INPP4B: variants seen among roughly 807,000 people sequenced by gnomAD.
INPP4B encodes inositol polyphosphate-4-phosphatase type II B.
In INPP4B, 55 loss-of-function variants were observed where a neutral mutation model predicts 122.5. The observed-to-expected ratio is 0.45, with a 90% CI of 0.36 to 0.56. INPP4B has a LOEUF of 0.56. Ranked by LOEUF, INPP4B falls within the 20% of genes least tolerant of loss-of-function variation. The pLI is 0.00. For synonymous variants in INPP4B, 403 were observed against 388.7 expected (o/e 1.04, Z -0.43); for missense variants, 1,000 against 1,097.7 (o/e 0.91, Z 1.26).
chr4:142,422,246 T>C (rs113450161), intron 5 of INPP4B, among the ~76,000 whole-genome samples: 324 of 152,250 alleles, frequency 2.1e-3, no homozygotes, highest in Non-Finnish European at 3.7e-3. Flanking sequence ...AAGTAATTAA[T>C]ATATGTAAAT....
chr4:142,447,340 A>T (rs770923232), intron 3 of INPP4B, among the ~76,000 whole-genome samples: 5 of 152,142 alleles, frequency 3.3e-5, no homozygotes, highest in Admixed American at 6.6e-5. Flanking sequence ...GCAGTGAGAA[A>T]AGAGTGAAGC....
chr4:142,063,718 TA>T (rs1762153996), intron 25 of INPP4B, among the ~76,000 whole-genome samples: 1 of 152,220 alleles, frequency 6.6e-6, no homozygotes, highest in South Asian at 2.1e-4. Flanking sequence ...AAAAATGGGA[TA>T]TTTTTCATCT....
intron 25 of INPP4B, among the ~76,000 whole-genome samples, chr4:142,071,898 A>T (rs1166755389): frequency 6.6e-6 from 1 of 152,218 alleles, no homozygotes; most frequent in Non-Finnish European, 1.5e-5. Flanking sequence ...GGGACTGTAA[A>T]CTAGTTCAAC....
At chr4:142,810,341 T>G (rs954887816) in intron 1 of INPP4B, among the ~76,000 whole-genome samples, 11 of 152,196 alleles carry the variant, frequency 7.2e-5, no homozygotes, top group African/African-American at 2.7e-4. Context: ...CACTTATTAT[T>G]TAATTATAGA....
chr4:142,344,215 TG>T (rs1779584515), intron 7 of INPP4B, among the ~76,000 whole-genome samples: 1 of 152,108 alleles, frequency 6.6e-6, no homozygotes, highest in Admixed American at 6.6e-5. Context: ...TCTTTGCACA[TG>T]GAAGAGAGCA....
At chr4:142,579,677 A>G (rs1734583766) in intron 2 of INPP4B, among the ~76,000 whole-genome samples, 1 of 151,724 alleles carries the variant, frequency 6.6e-6, no homozygotes, top group African/African-American at 2.4e-5. Flanking sequence ...TCTCCCCTTC[A>G]GACATGAATG....
intron 24 of INPP4B, among the ~76,000 whole-genome samples, chr4:142,085,727 T>A (rs530267304): frequency 2.6e-5 from 4 of 152,338 alleles, no homozygotes; most frequent in African/African-American, 9.6e-5. Context: ...GCTCATTAAC[T>A]GAACAATATG....
intron 9 of INPP4B, among the ~76,000 whole-genome samples, chr4:142,300,037 G>A (rs1025854998): frequency 2.6e-5 from 4 of 152,086 alleles, no homozygotes; most frequent in Non-Finnish European, 5.9e-5. Flanking sequence ...AAAAAGTGTA[G>A]GAATAGAAAA....
At chr4:142,736,430 A>C (rs1580802686) in intron 1 of INPP4B, among the ~76,000 whole-genome samples, 1 of 152,172 alleles carries the variant, frequency 6.6e-6, no homozygotes, top group Middle Eastern at 3.4e-3. Flanking sequence ...TCATGAGTTA[A>C]TTATTGAGAC....
chr4:142,593,688 TTCTC>T lies in INPP4B; in HGVS notation c.-190-130966_-190-130963del, dbSNP rs199516667. Among the ~76,000 whole-genome samples, 660 of 152,290 alleles carry T rather than the reference TTCTC, an allele frequency of 4.3e-3. 3 individuals carry two copies. Among genetic ancestry groups the T allele is most frequent in the Admixed American group, 0.014 (208 of 15,296 alleles). The stretch of plus-strand genomic sequence containing the variant: ...ACAGCATGCTTTCCATTCTTCCACT[TTCTC>T]TCTTTCTCCATAGAATTTATTTTTC... On this transcript the variant is annotated intron_variant, in intron 2 of 25. Transcript: ENST00000262992.
chr4:142,108,088 C>A lies in INPP4B; in HGVS notation c.2374+5G>T, dbSNP rs1326273332. 1 of 1,422,080 alleles carries A rather than the reference C, an allele frequency of 7.0e-7. No homozygotes were observed. Among genetic ancestry groups the A allele is most frequent in the Non-Finnish European group, 9.9e-7 (1 of 1,010,062 alleles). 88.1% of individuals were successfully genotyped at this position (1,422,080 alleles called of 1,614,324 possible). A position where few individuals can be genotyped will look rare whatever the true frequency, so the allele number is the denominator to read the frequency against. On this transcript the variant is annotated splice_donor_5th_base_variant and intron_variant, in intron 23 of 25. Coordinates refer to ENST00000262992, the MANE Select transcript of INPP4B (RefSeq NM_001101669.3). ...ATTGCTGTCTTCTCTAACTCACATA[C>A]TTACAATCAGGAGGCATCTTTTCCA...
intron 17 of INPP4B, among the ~76,000 whole-genome samples, chr4:142,157,886 T>C (rs1213640403): frequency 6.6e-6 from 1 of 151,998 alleles, no homozygotes; most frequent in East Asian, 1.9e-4. Flanking sequence ...CTTTTTCTCT[T>C]AGCACATGGT....
chr4:142,723,285 T>A (rs902448886), intron 2 of INPP4B, among the ~76,000 whole-genome samples: 1 of 152,080 alleles, frequency 6.6e-6, no homozygotes. Context: ...CATTCCTGCA[T>A]AATAAAAATA....
intron 2 of INPP4B, among the ~76,000 whole-genome samples, chr4:142,715,430 A>G (rs993469901): frequency 3.3e-5 from 5 of 152,222 alleles, no homozygotes; most frequent in African/African-American, 1.2e-4. Context: ...ACTAGAAAGT[A>G]GGAGTAGAAT....
At chr4:142,267,890 T>TA (rs1346282611) in intron 10 of INPP4B, among the ~76,000 whole-genome samples, 3 of 151,860 alleles carry the variant, frequency 2.0e-5, no homozygotes, top group Admixed American at 6.6e-5. Context: ...ACAAAGGACC[T>TA]AAAAAACACT....
chr4:142,753,624 A>G, intron 1 of INPP4B, among the ~76,000 whole-genome samples: 1 of 152,066 alleles, frequency 6.6e-6, no homozygotes, highest in Non-Finnish European at 1.5e-5. Context: ...TCAAATAGAG[A>G]TAACCCAAAA....
intron 11 of INPP4B, among the ~76,000 whole-genome samples, chr4:142,258,620 T>C (rs1420455025): frequency 4.6e-5 from 7 of 152,092 alleles, no homozygotes; most frequent in Admixed American, 1.3e-4. Context: ...CCATCACTGG[T>C]CATCAGAGAA....
rs1343727711 is a variant in INPP4B at position 142,644,610 on chromosome 4, A to C, written c.-191+81229T>G. 3.3e-5 allele frequency among the ~76,000 whole-genome samples: 5 copies of C among 151,886 alleles called. No individual in the cohort carries two copies. The South Asian group carries it at 1.0e-3, about 32-fold the overall frequency. ...CATTCTGTGACTGAATTTAAAGAGCAAAGAGGACAGGTGCAGCAGCTCATG... is the reference window on the plus strand; with the variant it reads ...CATTCTGTGACTGAATTTAAAGAGCCAAGAGGACAGGTGCAGCAGCTCATG... On this transcript the variant is annotated intron_variant, in intron 2 of 25. Coordinates refer to ENST00000262992, the MANE Select transcript of INPP4B (RefSeq NM_001101669.3).
intron 10 of INPP4B, among the ~76,000 whole-genome samples, chr4:142,268,869 C>T (rs1744343909): frequency 6.6e-6 from 1 of 152,044 alleles, no homozygotes; most frequent in Non-Finnish European, 1.5e-5. Context: ...ACACAAAAAA[C>T]TGCCTTTGTT....
Sources: allele counts gnomAD v4.1 joint callset (sites outside exome capture counted in the v4.1 genomes callset), GRCh38; gene constraint gnomAD v4.1.1; transcripts MANE v1.5; gene names NCBI Gene and HGNC (gene_info 2026-07-23, HGNC 2026-07-21).